The following ADAMTSL3 variants were observed in gnomAD, a reference collection of about 807,000 sequenced individuals.
ADAMTSL3 encodes ADAMTS-like protein 3.
Under a neutral mutation model 201.7 loss-of-function variants are expected in ADAMTSL3, and 128 were observed. The observed-to-expected ratio is 0.63, with a 90% CI of 0.55 to 0.73. The LOEUF (loss-of-function observed/expected upper bound fraction) is 0.73, where lower values mean the gene tolerates loss of function less well. ADAMTSL3 is among the 30% of genes least tolerant of loss of function. ADAMTSL3 has a pLI of 0.00. For synonymous variants in ADAMTSL3, 738 were observed against 748.4 expected (o/e 0.99, Z 0.23); for missense variants, 1,990 against 2,119.6 (o/e 0.94, Z 1.20).
At chr15:83,775,577 A>G (rs541235931) in intron 4 of ADAMTSL3, among the ~76,000 whole-genome samples, 16 of 152,290 alleles carry the variant, frequency 1.1e-4, no homozygotes, top group Middle Eastern at 3.4e-3. Flanking sequence ...AACTTCTTCC[A>G]TCTTTTCTAC....
intron 19 of ADAMTSL3, among the ~76,000 whole-genome samples, chr15:83,945,573 A>G (rs2066639353): frequency 1.3e-5 from 2 of 152,120 alleles, no homozygotes; most frequent in Non-Finnish European, 2.9e-5. Flanking sequence ...TATTTATTCC[A>G]TCACCCAGCT....
chr15:83,959,492 AAATC>A (rs1439247957), intron 19 of ADAMTSL3, among the ~76,000 whole-genome samples: 2 of 152,194 alleles, frequency 1.3e-5, no homozygotes, highest in African/African-American at 4.8e-5. Flanking sequence ...TAGGGAAAGA[AAATC>A]AAACTGACGC....
intron 16 of ADAMTSL3, among the ~76,000 whole-genome samples, chr15:83,919,043 G>A (rs114276281): frequency 3.2e-4 from 48 of 152,256 alleles, no homozygotes; most frequent in African/African-American, 1.1e-3. Flanking sequence ...GCTGGTGAAT[G>A]CTAAATGTTG....
chr15:83,825,577 C>A (rs896167415), intron 6 of ADAMTSL3, among the ~76,000 whole-genome samples: 1 of 152,042 alleles, frequency 6.6e-6, no homozygotes, highest in Non-Finnish European at 1.5e-5. Flanking sequence ...TATGATTGTA[C>A]CACTGTACTC....
chr15:83,789,958 G>C lies in ADAMTSL3; in HGVS notation c.318-14692G>C, dbSNP rs1203254798. Among the ~76,000 whole-genome samples, 5 of 152,022 alleles carry C rather than the reference G, an allele frequency of 3.3e-5. No individual in the cohort carries two copies. In the South Asian group the frequency reaches 1.0e-3, roughly 32 times the overall value. On this transcript the variant is annotated intron_variant, in intron 4 of 29. Transcript: ENST00000286744. Reference sequence around the variant, plus strand: ...TTGTGAGTTCTGCAGAGCTAATTGAGTTGCTTCTAGGAATTCCCCACTGCC... The same window carrying C: ...TTGTGAGTTCTGCAGAGCTAATTGACTTGCTTCTAGGAATTCCCCACTGCC...
intron 13 of ADAMTSL3, among the ~76,000 whole-genome samples, chr15:83,896,716 G>A (rs768471851): frequency 5.3e-5 from 8 of 151,634 alleles, no homozygotes; most frequent in Non-Finnish European, 8.8e-5. Flanking sequence ...TTTTTAATGC[G>A]TACATATATA....
At chr15:83,953,852 T>C (rs2066801941) in intron 19 of ADAMTSL3, among the ~76,000 whole-genome samples, 1 of 152,228 alleles carries the variant, frequency 6.6e-6, no homozygotes, top group African/African-American at 2.4e-5. Context: ...TTTAAATATG[T>C]CATGCCACTC....
At chr15:83,950,979 G>C (rs964173908) in intron 19 of ADAMTSL3, among the ~76,000 whole-genome samples, 14 of 150,524 alleles carry the variant, frequency 9.3e-5, no homozygotes, top group Non-Finnish European at 2.1e-4. Context: ...TTCCAATTTG[G>C]ATGCCCTTTA....
At chr15:83,925,404 G>A (rs1461367506) in intron 17 of ADAMTSL3, among the ~76,000 whole-genome samples, 2 of 152,206 alleles carry the variant, frequency 1.3e-5, no homozygotes, top group African/African-American at 2.4e-5. Flanking sequence ...CGTGGTTGAG[G>A]TGATGCAGTA....
rs140387337 is a variant in ADAMTSL3, at chr15:83,951,343, T to C, written c.2490+8261T>C. Among the ~76,000 whole-genome samples, 1,265 of 152,330 alleles carry C rather than the reference T, an allele frequency of 8.3e-3. 11 individuals carry two copies. The highest frequency in any genetic ancestry group is 0.019 in the South Asian group (90 of 4,832). On this transcript the variant is annotated intron_variant, in intron 19 of 29. Transcript: ENST00000286744. ...TGATTGATTTGCATGTGTTAAGCCA[T>C]CCTTGCATCCCTGGGATAAATCCCA... is the stretch of plus-strand genomic sequence containing the variant.
At chr15:83,698,089 A>G (rs112843856) in intron 2 of ADAMTSL3, among the ~76,000 whole-genome samples, 4,598 of 152,256 alleles carry the variant, frequency 0.03, 87 homozygotes, top group Middle Eastern at 0.048. Flanking sequence ...ATAGTAGAAC[A>G]AAAGATTCTC....
intron 5 of ADAMTSL3, among the ~76,000 whole-genome samples, chr15:83,805,669 G>A (rs893252521): frequency 6.6e-6 from 1 of 152,138 alleles, no homozygotes; most frequent in Non-Finnish European, 1.5e-5. Context: ...CTAACTAGAG[G>A]TACTTGACAC....
chr15:83,857,640 T>C (rs1442479282), intron 7 of ADAMTSL3, among the ~76,000 whole-genome samples: 1 of 152,210 alleles, frequency 6.6e-6, no homozygotes, highest in Non-Finnish European at 1.5e-5. Context: ...GAAGTGATTA[T>C]CTCTGGGCAA....
chr15:84,003,539 G>A (rs1466078243), intron 23 of ADAMTSL3, among the ~76,000 whole-genome samples: 3 of 152,098 alleles, frequency 2.0e-5, no homozygotes, highest in East Asian at 1.9e-4. Context: ...TTGGCTCCTC[G>A]TATTGGTGTC....
rs923664892 is a variant in ADAMTSL3 at position 83,832,900 on chromosome 15, C to T, written c.601-5189C>T. On this transcript the variant is annotated intron_variant, in intron 6 of 29. Coordinates refer to ENST00000286744, the MANE Select transcript of ADAMTSL3 (RefSeq NM_207517.3). ...GGAGGTCTGATTTGTATTAGAGGCA[C>T]GACCTGGTTGGTACCAGCTCTGCAG... Among the ~76,000 whole-genome samples, 44 of 152,138 alleles carry T rather than the reference C, an allele frequency of 2.9e-4. 1 individual carries two copies. Among genetic ancestry groups the T allele is most frequent in the Non-Finnish European group, 3.7e-4 (25 of 68,026 alleles).
chr15:83,687,846 CAACT>C (rs1380738125), intron 2 of ADAMTSL3, among the ~76,000 whole-genome samples: 1 of 151,970 alleles, frequency 6.6e-6, no homozygotes, highest in Non-Finnish European at 1.5e-5. Context: ...GAACAGCCAC[CAACT>C]AAGAGTATGT....
intron 9 of ADAMTSL3, among the ~76,000 whole-genome samples, chr15:83,872,975 C>T (rs1410105566): frequency 6.9e-6 from 1 of 145,538 alleles, no homozygotes; most frequent in Non-Finnish European, 1.5e-5. Flanking sequence ...GAGGGGATAA[C>T]ATTTTGTAAT....
chr15:83,730,825 C>G (rs2062254045), intron 3 of ADAMTSL3, among the ~76,000 whole-genome samples: 1 of 151,928 alleles, frequency 6.6e-6, no homozygotes, highest in African/African-American at 2.4e-5. Context: ...GTTTTGGTGT[C>G]ATATTTGAAA....
intron 3 of ADAMTSL3, among the ~76,000 whole-genome samples, chr15:83,765,875 A>G (rs2062881656): frequency 6.6e-6 from 1 of 152,240 alleles, no homozygotes; most frequent in Non-Finnish European, 1.5e-5. Flanking sequence ...CCCTTTAAAA[A>G]AAAAGAACTT....
Sources: gnomAD v4.1 joint callset for allele counts (sites outside exome capture counted in the v4.1 genomes callset) on GRCh38, gnomAD v4.1.1 for gene constraint, MANE v1.5 for transcripts, NCBI Gene and HGNC (gene_info 2026-07-23, HGNC 2026-07-21) for gene names.